Variants in MTUS2 observed in about 807,000 individuals in gnomAD.
MTUS2 encodes microtubule-associated tumor suppressor candidate 2.
In MTUS2, 40 loss-of-function variants were observed where a neutral mutation model predicts 114.1. That is an observed-to-expected ratio of 0.35 (90% CI 0.27 to 0.46). The LOEUF (loss-of-function observed/expected upper bound fraction) is 0.46, where lower values mean the gene tolerates loss of function less well. MTUS2 is among the 20% of genes least tolerant of loss of function. The pLI is 1.00. For synonymous variants in MTUS2, 688 were observed against 672.0 expected (o/e 1.02, Z -0.37); for missense variants, 1,679 against 1,705.4 (o/e 0.98, Z 0.27).
intron 4 of MTUS2, among the ~76,000 whole-genome samples, chr13:29,052,071 G>A (rs1274584076): frequency 6.6e-6 from 1 of 151,862 alleles, no homozygotes; most frequent in East Asian, 1.9e-4. Flanking sequence ...ATGTGTTCGG[G>A]GTCACAAAAA....
intron 8 of MTUS2, among the ~76,000 whole-genome samples, chr13:29,401,070 C>T (rs984599356): frequency 7.9e-5 from 12 of 152,308 alleles, no homozygotes; most frequent in South Asian, 2.1e-4. Flanking sequence ...TCACTGCAAA[C>T]GCCACCTCTC....
chr13:29,202,349 C>T (rs1894993562), intron 5 of MTUS2, among the ~76,000 whole-genome samples: 1 of 152,136 alleles, frequency 6.6e-6, no homozygotes. Flanking sequence ...TGTTTTTCAG[C>T]TCCATCAGAT....
chr13:29,324,817 A>G (rs1222755305), intron 7 of MTUS2, 106 bp downstream of exon 7: 28 of 832,366 alleles, frequency 3.4e-5, no homozygotes, highest in Middle Eastern at 2.2e-4. Flanking sequence ...GATTTACTCA[A>G]TTGTTCCAGA....
chr13:29,446,794 T>C (rs1878316420), intron 9 of MTUS2, among the ~76,000 whole-genome samples: 1 of 152,148 alleles, frequency 6.6e-6, no homozygotes, highest in Non-Finnish European at 1.5e-5. Context: ...AAATTTTCTC[T>C]CTCTCCCTCC....
intron 5 of MTUS2, among the ~76,000 whole-genome samples, chr13:29,251,150 G>C (rs1378269513): frequency 1.3e-5 from 2 of 152,134 alleles, no homozygotes; most frequent in Non-Finnish European, 1.5e-5. Flanking sequence ...GTGAATACGA[G>C]AACAAGATCA....
chr13:29,184,809 C>T (rs1026560845), intron 5 of MTUS2, among the ~76,000 whole-genome samples: 2 of 152,028 alleles, frequency 1.3e-5, no homozygotes, highest in Non-Finnish European at 2.9e-5. Flanking sequence ...TTCAAAATGC[C>T]AATTTATATC....
At chr13:29,305,225 A>G (rs181684135) in intron 6 of MTUS2, among the ~76,000 whole-genome samples, 153 of 152,264 alleles carry the variant, frequency 1.0e-3, no homozygotes, top group African/African-American at 3.5e-3. Flanking sequence ...CAAATAATAG[A>G]AATAGAGAAC....
At chr13:29,323,278 A>G (rs151329667) in intron 6 of MTUS2, among the ~76,000 whole-genome samples, 2,098 of 150,878 alleles carry the variant, frequency 0.014, 26 homozygotes, top group Non-Finnish European at 0.022. Context: ...GAGACAGAGT[A>G]TCACTCTGTC....
intron 2 of MTUS2, among the ~76,000 whole-genome samples, chr13:28,854,408 A>C (rs1384896620): frequency 6.6e-6 from 1 of 152,172 alleles, no homozygotes; most frequent in African/African-American, 2.4e-5. Context: ...CCACATCTGT[A>C]AAACAGAGAC....
At chr13:29,090,643 G>A (rs1217027332) in intron 4 of MTUS2, among the ~76,000 whole-genome samples, 1 of 152,272 alleles carries the variant, frequency 6.6e-6, no homozygotes, top group Non-Finnish European at 1.5e-5. Context: ...AGGCTGTACT[G>A]CATGTGGGCA....
chr13:29,394,314 G>A (rs551575921), intron 8 of MTUS2, among the ~76,000 whole-genome samples: 1 of 152,238 alleles, frequency 6.6e-6, no homozygotes, highest in South Asian at 2.1e-4. Context: ...AGGTGTACAG[G>A]TAATCATTGG....
intron 11 of MTUS2, 109 bp downstream of exon 11, chr13:29,488,114 C>T: frequency 1.2e-6 from 1 of 816,096 alleles, no homozygotes; most frequent in Non-Finnish European, 2.0e-6. Flanking sequence ...CCTTTCCTGT[C>T]TTTCCCTCCT....
At chr13:29,359,197 C>A in intron 7 of MTUS2, 65 bp from the exon 8 acceptor site, 1 of 1,399,054 alleles carries the variant, frequency 7.1e-7, no homozygotes, top group South Asian at 1.4e-5. Flanking sequence ...TAATAAGAAG[C>A]CGTTGTCACA....
intron 1 of MTUS2, among the ~76,000 whole-genome samples, chr13:28,836,490 G>A (rs1309843416): frequency 1.3e-5 from 2 of 152,182 alleles, no homozygotes; most frequent in African/African-American, 4.8e-5. Context: ...ATCATAGTCT[G>A]TTTCTACATA....
At chr13:28,979,922 C>T (rs1269930918) in intron 2 of MTUS2, among the ~76,000 whole-genome samples, 1 of 152,132 alleles carries the variant, frequency 6.6e-6, no homozygotes, top group African/African-American at 2.4e-5. Context: ...TTATCAAGAA[C>T]CAGTGCTCCC....
chr13:29,157,222 C>G (rs1357914076), intron 5 of MTUS2, among the ~76,000 whole-genome samples: 1 of 152,122 alleles, frequency 6.6e-6, no homozygotes, highest in African/African-American at 2.4e-5. Flanking sequence ...TAATGTTTCT[C>G]TAGGGCTAGA....
chr13:29,024,647 C>T lies in MTUS2; in HGVS notation c.-52C>T. 6.3e-7 allele frequency: 1 copy of T among 1,579,028 alleles called. No individual in the cohort carries two copies. Among genetic ancestry groups the T allele is most frequent in the Non-Finnish European group, 8.6e-7 (1 of 1,164,652 alleles). On this transcript the variant is annotated 5_prime_UTR_variant, in exon 3 of 16. Transcript: ENST00000612955. ...ATCTGATTGCAGCTTGAAGGCAGCC[C>T]ATTTCCATTAAGTAGGACTGCATGG...
At chr13:29,372,553 C>T (rs1871279532) in intron 8 of MTUS2, among the ~76,000 whole-genome samples, 2 of 152,186 alleles carry the variant, frequency 1.3e-5, no homozygotes, top group African/African-American at 2.4e-5. Context: ...CACAGAAGAA[C>T]ATCCACCATG....
intron 8 of MTUS2, among the ~76,000 whole-genome samples, chr13:29,379,495 T>C (rs764299537): frequency 1.3e-5 from 2 of 152,238 alleles, no homozygotes; most frequent in East Asian, 1.9e-4. Context: ...CCAAGGACCA[T>C]GATTCCCACA....
Sources: allele counts gnomAD v4.1 joint callset (sites outside exome capture counted in the v4.1 genomes callset), GRCh38; gene constraint gnomAD v4.1.1; transcripts MANE v1.5; gene names NCBI Gene and HGNC (gene_info 2026-07-23, HGNC 2026-07-21).